CIRSR: variants seen among roughly 807,000 people sequenced by gnomAD.
CIRSR encodes the protein CBF1 (RBPJ) interacting corepressor 1.
the CIRSR span, among the ~76,000 whole-genome samples, chr2:174,372,700 A>C: frequency 6.6e-6 from 1 of 152,104 alleles, no homozygotes; most frequent in African/African-American, 2.4e-5. Flanking sequence ...CTCGTGCCTC[A>C]GCCTCCTGAG....
chr2:174,380,644 T>A, the CIRSR span: 2 of 1,607,128 alleles, frequency 1.2e-6, no homozygotes, highest in Non-Finnish European at 1.7e-6. Context: ...AGTAAACCAG[T>A]CCTTACTTTT....
At chr2:174,392,651 T>G in the CIRSR span, among the ~76,000 whole-genome samples, 6 of 152,082 alleles carry the variant, frequency 3.9e-5, no homozygotes, top group Non-Finnish European at 8.8e-5. Context: ...AGTGATTGAC[T>G]AGATAAAGGA....
chr2:174,356,547 G>GAAGA, the CIRSR span, among the ~76,000 whole-genome samples: 2 of 148,508 alleles, frequency 1.3e-5, no homozygotes, highest in South Asian at 2.2e-4. Context: ...AGGAAGGAAG[G>GAAGA]AAGGAAAGGA....
At chr2:174,361,079 A>G in the CIRSR span, among the ~76,000 whole-genome samples, 1 of 147,504 alleles carries the variant, frequency 6.8e-6, no homozygotes, top group Non-Finnish European at 1.5e-5. Flanking sequence ...ACAATCAACT[A>G]CGATCAACTA....
At chr2:174,390,190 A>G in the CIRSR span, among the ~76,000 whole-genome samples, 2 of 152,252 alleles carry the variant, frequency 1.3e-5, no homozygotes, top group Non-Finnish European at 2.9e-5. Flanking sequence ...CCATGAAAGC[A>G]TCCAGGAGAG....
the CIRSR span, among the ~76,000 whole-genome samples, chr2:174,378,001 G>A: frequency 5.3e-5 from 8 of 152,164 alleles, no homozygotes; most frequent in Non-Finnish European, 8.8e-5. Context: ...CCTGGGCTCA[G>A]AATGAGGCAG....
the CIRSR span, among the ~76,000 whole-genome samples, chr2:174,376,515 G>C: frequency 1.3e-5 from 2 of 152,030 alleles, no homozygotes; most frequent in Non-Finnish European, 2.9e-5. Flanking sequence ...GAGGGCTGGA[G>C]GGCCGGGCGC....
At chr2:174,394,481 T>C in the CIRSR span, among the ~76,000 whole-genome samples, 1 of 152,328 alleles carries the variant, frequency 6.6e-6, no homozygotes, top group African/African-American at 2.4e-5. Flanking sequence ...TTCCAGATCC[T>C]AGTTCTGGTA....
At chr2:174,356,240 T>C in the CIRSR span, among the ~76,000 whole-genome samples, 1 of 151,290 alleles carries the variant, frequency 6.6e-6, no homozygotes, top group Non-Finnish European at 1.5e-5. Context: ...CAGAGGCGGG[T>C]GGATCGCCTG....
chr2:174,367,348 G>A, the CIRSR span, among the ~76,000 whole-genome samples: 1 of 152,248 alleles, frequency 6.6e-6, no homozygotes, highest in African/African-American at 2.4e-5. Context: ...GGGAGGCCGA[G>A]GCAGACGGAT....
At chr2:174,378,350 A>G in the CIRSR span, among the ~76,000 whole-genome samples, 1 of 152,352 alleles carries the variant, frequency 6.6e-6, no homozygotes, top group East Asian at 1.9e-4. Context: ...GCCTGTTTCA[A>G]TAATATACTA....
At chr2:174,380,750 C>A in the CIRSR span, 1 of 1,606,916 alleles carries the variant, frequency 6.2e-7, no homozygotes, top group Non-Finnish European at 8.5e-7. Context: ...TTTAATTTTT[C>A]CATATAATAC....
At chr2:174,377,970 G>A in the CIRSR span, among the ~76,000 whole-genome samples, 11 of 152,066 alleles carry the variant, frequency 7.2e-5, no homozygotes, top group East Asian at 1.9e-4. Flanking sequence ...GCTGAAGAAC[G>A]TATGTTGATT....
the CIRSR span, among the ~76,000 whole-genome samples, chr2:174,365,558 T>A: frequency 5.3e-5 from 8 of 152,220 alleles, no homozygotes; most frequent in Admixed American, 5.2e-4. Context: ...TTAACTGGAC[T>A]TACAGTTCCA....
chr2:174,348,723 C>T, the CIRSR span: 2 of 1,614,192 alleles, frequency 1.2e-6, no homozygotes, highest in Admixed American at 1.7e-5. Context: ...TCTGCTGCTC[C>T]CCTCCTTTCT....
chr2:174,354,417 A>T, the CIRSR span, among the ~76,000 whole-genome samples: 18 of 82,428 alleles, frequency 2.2e-4, no homozygotes, highest in South Asian at 2.3e-3. Flanking sequence ...TATTATATAT[A>T]ATATATATTA....
At chr2:174,374,767 A>T in the CIRSR span, among the ~76,000 whole-genome samples, 1 of 152,292 alleles carries the variant, frequency 6.6e-6, no homozygotes, top group African/African-American at 2.4e-5. Context: ...CCTCTATACG[A>T]AAGGTTATTC....
the CIRSR span, among the ~76,000 whole-genome samples, chr2:174,362,686 CAAAAAAAAAA>C: frequency 9.7e-5 from 2 of 20,680 alleles, no homozygotes; most frequent in African/African-American, 1.1e-4. Flanking sequence ...GACTCTGCCT[CAAAAAAAAAA>C]AAAAAAAAAA....
the CIRSR span, among the ~76,000 whole-genome samples, chr2:174,391,359 G>T: frequency 6.6e-6 from 1 of 152,166 alleles, no homozygotes; most frequent in African/African-American, 2.4e-5. Flanking sequence ...TTGGGCTGAG[G>T]TGGGCAGATC....
Sources: allele counts gnomAD v4.1 joint callset (sites outside exome capture counted in the v4.1 genomes callset), GRCh38; gene constraint gnomAD v4.1.1; transcripts MANE v1.5; gene names NCBI Gene and HGNC (gene_info 2026-07-23, HGNC 2026-07-21).